Variants in SHISA9 observed in about 807,000 individuals in gnomAD.
SHISA9 encodes the protein protein shisa-9.
Under a neutral mutation model 38.0 loss-of-function variants are expected in SHISA9, and 13 were observed. The observed-to-expected ratio is 0.34, with a 90% confidence interval of 0.22 to 0.54. The LOEUF is 0.54. SHISA9 is among the 20% of genes least tolerant of loss of function. SHISA9 has a pLI of 0.91. For synonymous variants in SHISA9, 275 were observed against 242.0 expected, an observed-to-expected ratio of 1.14 and a Z score of -1.27; for missense variants, 538 against 575.8, an observed-to-expected ratio of 0.93 and a Z score of 0.67.
At chr16:13,057,244 T>A (rs940293793) in intron 2 of SHISA9, among the ~76,000 whole-genome samples, 1 of 152,158 alleles carries the variant, frequency 6.6e-6, no homozygotes. Flanking sequence ...GAGCTAGGCT[T>A]GCCTTTCACA....
At chr16:13,511,946 C>A in the SHISA9 span, among the ~76,000 whole-genome samples, 2 of 152,066 alleles carry the variant, frequency 1.3e-5, no homozygotes, top group African/African-American at 2.4e-5. Flanking sequence ...TCAAAAGAGC[C>A]AGGAAAAGTT....
chr16:13,087,147 CTTT>C (rs956913326), intron 2 of SHISA9, among the ~76,000 whole-genome samples: 17 of 81,626 alleles, frequency 2.1e-4, no homozygotes, highest in South Asian at 9.0e-4. Context: ...ATGAACTCGT[CTTT>C]TTTTTTTTTT....
At chr16:13,343,473 G>A in the SHISA9 span, among the ~76,000 whole-genome samples, 2 of 151,938 alleles carry the variant, frequency 1.3e-5, no homozygotes, top group South Asian at 4.2e-4. Context: ...GGAGTCACCT[G>A]CTCCCACACC....
chr16:13,193,147 G>A (rs956840318), intron 2 of SHISA9, among the ~76,000 whole-genome samples: 1 of 152,118 alleles, frequency 6.6e-6, no homozygotes, highest in South Asian at 2.1e-4. Flanking sequence ...CCATTCTGGG[G>A]GCAGCCTAGC....
the SHISA9 span, among the ~76,000 whole-genome samples, chr16:13,559,699 A>C: frequency 9.2e-5 from 14 of 152,258 alleles, no homozygotes; most frequent in African/African-American, 3.1e-4. Flanking sequence ...GGATTTCTTA[A>C]GCCATTCCAT....
At chr16:13,082,234 C>T (rs529025878) in intron 2 of SHISA9, 2 of 152,236 alleles carry the variant, frequency 1.3e-5, no homozygotes, top group South Asian at 4.2e-4. Context: ...GCATTGTATA[C>T]AATAAGAAAA....
At chr16:12,917,488 G>A (rs556777403) in intron 2 of SHISA9, among the ~76,000 whole-genome samples, 1 of 152,178 alleles carries the variant, frequency 6.6e-6, no homozygotes, top group South Asian at 2.1e-4. Context: ...TGTTTCAATA[G>A]GTATTTTTCA....
chr16:13,434,950 A>G, the SHISA9 span, among the ~76,000 whole-genome samples: 4 of 152,258 alleles, frequency 2.6e-5, no homozygotes, highest in South Asian at 2.1e-4. Context: ...CACTGTGAGC[A>G]GAGAAAGCCT....
At chr16:13,378,547 G>C in the SHISA9 span, among the ~76,000 whole-genome samples, 1 of 152,204 alleles carries the variant, frequency 6.6e-6, no homozygotes, top group African/African-American at 2.4e-5. Flanking sequence ...TGTGCCTAGA[G>C]TGGAGTCAAC....
At chr16:13,541,723 A>T in the SHISA9 span, among the ~76,000 whole-genome samples, 1 of 152,190 alleles carries the variant, frequency 6.6e-6, no homozygotes, top group African/African-American at 2.4e-5. Flanking sequence ...TGAATCACCC[A>T]TGAACTCAAC....
the SHISA9 span, among the ~76,000 whole-genome samples, chr16:13,355,742 CG>C: frequency 5.9e-5 from 9 of 152,036 alleles, no homozygotes; most frequent in Admixed American, 1.3e-4. Flanking sequence ...AAGAAAGGGA[CG>C]GGCTTACCTT....
the SHISA9 span, among the ~76,000 whole-genome samples, chr16:13,503,878 A>G: frequency 6.6e-6 from 1 of 152,244 alleles, no homozygotes; most frequent in African/African-American, 2.4e-5. Context: ...GTAGCTTTAC[A>G]TGTTGGAAAG....
chr16:12,946,692 C>A (rs1406323295), intron 2 of SHISA9, among the ~76,000 whole-genome samples: 1 of 152,208 alleles, frequency 6.6e-6, no homozygotes, highest in Non-Finnish European at 1.5e-5. Context: ...AGGTTGGGGG[C>A]CGAGTAATTT....
chr16:13,155,247 T>C (rs1049970693), intron 2 of SHISA9, among the ~76,000 whole-genome samples: 1 of 151,678 alleles, frequency 6.6e-6, no homozygotes, highest in Non-Finnish European at 1.5e-5. Context: ...TAGATTGGAG[T>C]GGAATGTATT....
chr16:13,355,332 G>A, the SHISA9 span, among the ~76,000 whole-genome samples: 1 of 151,984 alleles, frequency 6.6e-6, no homozygotes, highest in Non-Finnish European at 1.5e-5. Flanking sequence ...TGGGGTAAGG[G>A]TGATTAGATT....
At chr16:13,548,878 A>G in the SHISA9 span, among the ~76,000 whole-genome samples, 1 of 152,214 alleles carries the variant, frequency 6.6e-6, no homozygotes, top group African/African-American at 2.4e-5. Flanking sequence ...TACAAAGAAA[A>G]TAAAATGAAG....
intron 2 of SHISA9, among the ~76,000 whole-genome samples, chr16:13,000,474 C>A (rs1336322589): frequency 1.6e-4 from 24 of 152,138 alleles, no homozygotes; most frequent in Admixed American, 1.5e-3. Flanking sequence ...GGAAACGAAC[C>A]AAACTCTTCT....
chr16:13,171,369 C>T (rs1268411434), intron 2 of SHISA9, among the ~76,000 whole-genome samples: 1 of 151,974 alleles, frequency 6.6e-6, no homozygotes, highest in African/African-American at 2.4e-5. Context: ...TGGAAAGCTA[C>T]ACATTAATCA....
chr16:13,070,705 C>T lies in SHISA9; in HGVS notation c.692-132689C>T, dbSNP rs369199002. Among the ~76,000 whole-genome samples, 28 of 152,300 alleles carry T rather than the reference C, an allele frequency of 1.8e-4. No individual in the cohort carries two copies. The South Asian group carries it at 5.8e-3, about 32-fold the overall frequency. On this transcript the variant is annotated intron_variant, in intron 2 of 4. Transcript: ENST00000558583. ...GTTTGCTAAGCTCTTTATAGGCATT[C>T]GCTCATTAGCAAACCTATGCAGTTG...
Sources: gnomAD v4.1 joint callset for allele counts (sites outside exome capture counted in the v4.1 genomes callset) on GRCh38, gnomAD v4.1.1 for gene constraint, MANE v1.5 for transcripts, NCBI Gene and HGNC (gene_info 2026-07-23, HGNC 2026-07-21) for gene names.